Variants in TBL1XR1 observed in about 807,000 individuals in gnomAD.
TBL1XR1 encodes TBL1X/Y related 1.
Under a neutral mutation model 66.9 loss-of-function variants are expected in TBL1XR1, and 5 were observed. The ratio of observed to expected loss-of-function variants is 0.07; its 90% CI spans 0.04 to 0.16. The LOEUF is 0.16. Ranked by LOEUF, TBL1XR1 falls within the 10% of genes least tolerant of loss-of-function variation. The probability of loss-of-function intolerance (pLI) is 1.00; values close to 1 mark genes in which losing one functional copy is unlikely to be tolerated. For missense variants in TBL1XR1, 238 were observed against 623.2 expected (o/e 0.38, Z 6.58); for synonymous variants, 210 against 206.0 (o/e 1.02, Z -0.17).
At chr3:177,146,827 G>A (rs1265403042) in intron 1 of TBL1XR1, among the ~76,000 whole-genome samples, 1 of 151,974 alleles carries the variant, frequency 6.6e-6, no homozygotes, top group Non-Finnish European at 1.5e-5. Context: ...AATCACCATA[G>A]TGAGTCACTG....
chr3:177,169,089 G>C (rs1288834385), intron 1 of TBL1XR1, among the ~76,000 whole-genome samples: 3 of 152,056 alleles, frequency 2.0e-5, no homozygotes, highest in African/African-American at 7.2e-5. Context: ...TGAAAACTCA[G>C]TTGTTAAGGT....
chr3:177,054,796 C>G (rs974271254), intron 3 of TBL1XR1, among the ~76,000 whole-genome samples: 2 of 152,068 alleles, frequency 1.3e-5, no homozygotes, highest in Admixed American at 6.5e-5. Flanking sequence ...AAATGATTAC[C>G]TGGTTTATAG....
intron 1 of TBL1XR1, among the ~76,000 whole-genome samples, chr3:177,107,827 A>G (rs1039526468): frequency 1.3e-5 from 2 of 152,188 alleles, no homozygotes; most frequent in African/African-American, 4.8e-5. Context: ...TCTGAATACA[A>G]CTACTCCATC....
intron 1 of TBL1XR1, 70 bp downstream of exon 1, chr3:177,197,051 G>A (rs1266773411): frequency 7.4e-6 from 1 of 134,692 alleles, no homozygotes; most frequent in African/African-American, 2.7e-5. Flanking sequence ...GCCCCCGGCC[G>A]CCTCTGGCCC....
intron 1 of TBL1XR1, among the ~76,000 whole-genome samples, chr3:177,159,802 T>A (rs1376789779): frequency 6.6e-6 from 1 of 151,916 alleles, no homozygotes; most frequent in Non-Finnish European, 1.5e-5. Flanking sequence ...TGTTTCCAAG[T>A]GAAGCGATGC....
intron 1 of TBL1XR1, among the ~76,000 whole-genome samples, chr3:177,114,829 AT>A (rs1726106484): frequency 1.3e-5 from 2 of 151,886 alleles, no homozygotes; most frequent in African/African-American, 4.8e-5. Flanking sequence ...AATGTTAAAA[AT>A]TAGCTGGGCA....
intron 1 of TBL1XR1, among the ~76,000 whole-genome samples, chr3:177,173,444 C>A (rs1733800963): frequency 6.6e-6 from 1 of 152,096 alleles, no homozygotes; most frequent in Admixed American, 6.5e-5. Flanking sequence ...TTAAAATATA[C>A]CAATAAGTGT....
At chr3:177,027,977 TG>T (rs988718902) in intron 14 of TBL1XR1, 3 of 152,126 alleles carry the variant, frequency 2.0e-5, no homozygotes, top group African/African-American at 7.2e-5. Context: ...ACAGCCAACT[TG>T]GGGGTTAAAA....
At chr3:177,132,436 T>C (rs977756556) in intron 1 of TBL1XR1, among the ~76,000 whole-genome samples, 6 of 152,198 alleles carry the variant, frequency 3.9e-5, no homozygotes, top group African/African-American at 9.7e-5. Flanking sequence ...TTGCTTTAAG[T>C]ATCGTTTTTC....
chr3:177,062,538 T>C (rs1439896233), intron 3 of TBL1XR1, among the ~76,000 whole-genome samples: 1 of 152,204 alleles, frequency 6.6e-6, no homozygotes, highest in South Asian at 2.1e-4. Context: ...TAAGTCAAAA[T>C]GTCATCAGTT....
At chr3:177,083,865 G>A (rs980947408) in intron 2 of TBL1XR1, among the ~76,000 whole-genome samples, 5 of 151,848 alleles carry the variant, frequency 3.3e-5, no homozygotes, top group African/African-American at 1.2e-4. Context: ...TGAGGCGGGT[G>A]GATCACGAGG....
intron 1 of TBL1XR1, among the ~76,000 whole-genome samples, chr3:177,159,656 GA>G (rs1289240723): frequency 4.6e-5 from 7 of 152,050 alleles, no homozygotes; most frequent in East Asian, 3.9e-4. Context: ...GGTAGGAAAA[GA>G]AAAAAGTCAT....
At chr3:177,060,677 A>G (rs896077943) in intron 3 of TBL1XR1, among the ~76,000 whole-genome samples, 4 of 152,232 alleles carry the variant, frequency 2.6e-5, no homozygotes, top group Non-Finnish European at 5.9e-5. Context: ...TAACTAAAGA[A>G]GTCAATGGTG....
rs542973247 is a variant in TBL1XR1, at chr3:177,176,279, C to T, written c.-122+20842G>A. Among the ~76,000 whole-genome samples, 26 of 151,540 alleles carry T rather than the reference C, an allele frequency of 1.7e-4. No individual in the cohort carries two copies. The South Asian group carries it at 2.7e-3, about 16-fold the overall frequency. On this transcript the variant is annotated intron_variant, in intron 1 of 15. Coordinates refer to ENST00000457928, the MANE Select transcript of TBL1XR1 (RefSeq NM_024665.7). Reference sequence around the variant, plus strand: ...GTGCGATCTCGGCTCACTGCAACACCTCCGCCCCCTGGGCTCAAGCGATTC... The same window carrying T: ...GTGCGATCTCGGCTCACTGCAACACTTCCGCCCCCTGGGCTCAAGCGATTC...
At chr3:177,049,898 C>T in intron 7 of TBL1XR1, 99 bp downstream of exon 7, 1 of 1,395,424 alleles carries the variant, frequency 7.2e-7, no homozygotes, top group Non-Finnish European at 9.7e-7. Flanking sequence ...TAATAAAACC[C>T]CAAATTCTGA....
intron 10 of TBL1XR1, among the ~76,000 whole-genome samples, chr3:177,043,045 T>C (rs540369778): frequency 2.0e-5 from 3 of 152,298 alleles, no homozygotes; most frequent in African/African-American, 7.2e-5. Flanking sequence ...TAACTTAATT[T>C]TGATTTCTCC....
rs761674079 is a variant in TBL1XR1 at position 177,029,808 on chromosome 3, G to C, written c.1416+3163C>G. Among the ~76,000 whole-genome samples the C allele has an allele frequency of 1.2e-4, 18 of 152,080 alleles. 1 individual carries two copies. The highest frequency in any genetic ancestry group is 3.9e-4 in the Admixed American group (6 of 15,264). On this transcript the variant is annotated intron_variant, in intron 14 of 15. Transcript: ENST00000457928. ...TATAAAACAATTGAAAAATTGTGGTGGTGGTGGTGAACTAAAATGCTAAAG... is the reference window on the plus strand; with the variant it reads ...TATAAAACAATTGAAAAATTGTGGTCGTGGTGGTGAACTAAAATGCTAAAG...
At chr3:177,142,694 GAAGC>G (rs1481659852) in intron 1 of TBL1XR1, among the ~76,000 whole-genome samples, 9 of 151,956 alleles carry the variant, frequency 5.9e-5, no homozygotes, top group Admixed American at 4.6e-4. Flanking sequence ...GTAAATTTAA[GAAGC>G]AAGTGAAATA....
intron 13 of TBL1XR1, 110 bp from the exon 14 acceptor site, chr3:177,033,246 T>C (rs1714262405): frequency 1.1e-6 from 1 of 872,664 alleles, no homozygotes; most frequent in Non-Finnish European, 1.6e-6. Context: ...AAATTCTTTA[T>C]GAGAAGCAGA....
Sources: allele counts gnomAD v4.1 joint callset (sites outside exome capture counted in the v4.1 genomes callset), GRCh38; gene constraint gnomAD v4.1.1; transcripts MANE v1.5; gene names NCBI Gene and HGNC (gene_info 2026-07-23, HGNC 2026-07-21).